Variants in MATN2 observed in about 807,000 individuals in gnomAD.
MATN2 encodes matrilin 2.
A neutral mutation model predicts 103.2 loss-of-function variants in MATN2; 69 were observed. The ratio of observed to expected loss-of-function variants is 0.67; its 90% CI spans 0.55 to 0.82. The LOEUF is 0.82. Ranked by LOEUF, MATN2 falls within the 40% of genes least tolerant of loss-of-function variation. The probability of loss-of-function intolerance (pLI) is 0.00; values close to 1 mark genes in which losing one functional copy is unlikely to be tolerated. For missense variants in MATN2, 1,023 were observed against 1,211.5 expected (o/e 0.84, Z 2.31); for synonymous variants, 429 against 450.2 (o/e 0.95, Z 0.60).
At chr8:97,941,002 A>T (rs1306992143) in intron 3 of MATN2, among the ~76,000 whole-genome samples, 3 of 151,904 alleles carry the variant, frequency 2.0e-5, no homozygotes, top group African/African-American at 7.3e-5. Flanking sequence ...CTACAAAAAA[A>T]ATTTTAAAAA....
At chr8:98,025,272 GCA>G (rs111241959) in intron 13 of MATN2, 28 of 149,058 alleles carry the variant, frequency 1.9e-4, no homozygotes, top group Admixed American at 4.7e-4. Flanking sequence ...GCGCACTCAC[GCA>G]CACACACACA....
At chr8:98,019,866 T>C (rs1813519453) in intron 12 of MATN2, among the ~76,000 whole-genome samples, 1 of 152,232 alleles carries the variant, frequency 6.6e-6, no homozygotes, top group Non-Finnish European at 1.5e-5. Context: ...CCTCACAGAC[T>C]CCTTTGAGAT....
At chr8:97,886,904 CTTT>C (rs1225564343) in intron 1 of MATN2, among the ~76,000 whole-genome samples, 1 of 143,912 alleles carries the variant, frequency 6.9e-6, no homozygotes, top group Non-Finnish European at 1.5e-5. Flanking sequence ...TTTGTTTTAC[CTTT>C]TTTTTTTTTT....
intron 8 of MATN2, among the ~76,000 whole-genome samples, chr8:98,006,455 A>G (rs1812974050): frequency 6.6e-6 from 1 of 152,178 alleles, no homozygotes; most frequent in Admixed American, 6.5e-5. Flanking sequence ...AACCATCAAC[A>G]TCCACATTCA....
chr8:98,008,884 A>G (rs1813065474), intron 10 of MATN2, among the ~76,000 whole-genome samples: 1 of 152,186 alleles, frequency 6.6e-6, no homozygotes, highest in South Asian at 2.1e-4. Flanking sequence ...GTAGGACCCT[A>G]CGAAATTCTC....
intron 4 of MATN2, among the ~76,000 whole-genome samples, chr8:97,955,384 A>C (rs1811112174): frequency 6.6e-6 from 1 of 152,228 alleles, no homozygotes; most frequent in African/African-American, 2.4e-5. Flanking sequence ...AGAGAAGTAA[A>C]TCCAGGATTG....
rs991430833 is a variant in MATN2 at position 98,030,635 on chromosome 8, G to C, written c.2509+21G>C. On this transcript the variant is annotated intron_variant, in intron 15 of 18. Transcript: ENST00000254898. ...TGAAGGTACTATAGCTTACGCCGAA[G>C]ACCTTAGCAAACAAGGCAGCATGAA... The C allele has an allele frequency of 1.1e-5, 18 of 1,603,574 alleles. No homozygotes were observed. In the African/African-American group the frequency reaches 1.9e-4, roughly 17 times the overall value.
intron 4 of MATN2, chr8:97,950,632 A>G (rs947058535): frequency 1.3e-5 from 2 of 152,184 alleles, no homozygotes; most frequent in African/African-American, 4.8e-5. Flanking sequence ...TCAGAGAACA[A>G]TTCTAATCAG....
intron 6 of MATN2, among the ~76,000 whole-genome samples, chr8:97,985,710 C>T (rs563111330): frequency 2.0e-4 from 31 of 152,170 alleles, no homozygotes; most frequent in African/African-American, 6.0e-4. Context: ...GTGATACTAC[C>T]GCCCAGAAAA....
rs139982739 is a variant in MATN2 at position 97,878,839 on chromosome 8, G to A, written c.-26-9236G>A. Among the ~76,000 whole-genome samples, 570 of 151,572 alleles carry A rather than the reference G, an allele frequency of 3.8e-3. 6 individuals are homozygous for A. Among genetic ancestry groups the A allele is most frequent in the African/African-American group, 0.012 (504 of 41,232 alleles). On this transcript the variant is annotated intron_variant, in intron 1 of 18. Transcript: ENST00000254898. ...ACACTCTAGCCTGGGCAACAAGAGC[G>A]AAACTCCATCTCAAAAAAAAAAGAA... is the stretch of plus-strand genomic sequence containing the variant.
At chr8:97,961,124 T>C (rs1811301065) in intron 4 of MATN2, among the ~76,000 whole-genome samples, 1 of 152,194 alleles carries the variant, frequency 6.6e-6, no homozygotes, top group Admixed American at 6.5e-5. Context: ...AAAAATGTGT[T>C]TTTATATACA....
chr8:97,960,252 C>T (rs887276322), intron 4 of MATN2, among the ~76,000 whole-genome samples: 5 of 152,288 alleles, frequency 3.3e-5, no homozygotes, highest in East Asian at 1.9e-4. Context: ...CTACCACGCC[C>T]GGCCAGTGAT....
intron 2 of MATN2, among the ~76,000 whole-genome samples, chr8:97,907,329 T>G (rs1236260897): frequency 2.2e-5 from 2 of 90,582 alleles, no homozygotes; most frequent in Non-Finnish European, 4.4e-5. Context: ...TTTTTTTTTT[T>G]GAGATGGAGT....
intron 10 of MATN2, among the ~76,000 whole-genome samples, chr8:98,009,400 A>G (rs1813082273): frequency 6.6e-6 from 1 of 152,192 alleles, no homozygotes; most frequent in South Asian, 2.1e-4. Context: ...TATTTGGTAA[A>G]GCCTTTTGGG....
chr8:97,954,118 G>T (rs1449989130), intron 4 of MATN2, among the ~76,000 whole-genome samples: 1 of 152,122 alleles, frequency 6.6e-6, no homozygotes, highest in African/African-American at 2.4e-5. Flanking sequence ...TCGTTACCCA[G>T]CTGGGGCCAA....
chr8:97,980,959 T>G (rs1252850885), intron 6 of MATN2, among the ~76,000 whole-genome samples: 1 of 152,110 alleles, frequency 6.6e-6, no homozygotes. Flanking sequence ...GAGGATTACT[T>G]GAGCCCAGGA....
At chr8:97,983,991 C>T (rs183750629) in intron 6 of MATN2, among the ~76,000 whole-genome samples, 26 of 152,268 alleles carry the variant, frequency 1.7e-4, no homozygotes, top group African/African-American at 1.2e-4. Flanking sequence ...TACAAAGTAT[C>T]GGTTGTCAGG....
intron 4 of MATN2, among the ~76,000 whole-genome samples, chr8:97,953,662 T>C (rs1811038471): frequency 6.6e-6 from 1 of 152,172 alleles, no homozygotes; most frequent in African/African-American, 2.4e-5. Context: ...GGCACATGCC[T>C]GTAATCCCAG....
chr8:98,021,446 C>A, intron 13 of MATN2, 119 bp downstream of exon 13: 1 of 1,115,512 alleles, frequency 9.0e-7, no homozygotes, highest in Non-Finnish European at 1.3e-6. Context: ...AATGCATATG[C>A]ACAAATACAG....
Sources: gnomAD v4.1 joint callset for allele counts (sites outside exome capture counted in the v4.1 genomes callset) on GRCh38, gnomAD v4.1.1 for gene constraint, MANE v1.5 for transcripts, NCBI Gene and HGNC (gene_info 2026-07-23, HGNC 2026-07-21) for gene names.